The following PDE4D variants were observed in gnomAD, a reference collection of about 807,000 sequenced individuals.
The protein encoded by PDE4D is 3',5'-cyclic-AMP phosphodiesterase 4D.
Under a neutral mutation model 87.4 loss-of-function variants are expected in PDE4D, and 24 were observed. The ratio of observed to expected loss-of-function variants is 0.27; its 90% CI spans 0.20 to 0.39. The LOEUF is 0.39. Ranked by LOEUF, PDE4D falls within the 10% of genes least tolerant of loss-of-function variation. The pLI, the probability that PDE4D is intolerant of heterozygous loss-of-function variation, is 1.00. For synonymous variants in PDE4D, 384 were observed against 383.2 expected (o/e 1.00, Z -0.02); for missense variants, 714 against 1,041.0 (o/e 0.69, Z 4.32).
At chr5:59,833,141 G>T (rs1357485620) in intron 1 of PDE4D, among the ~76,000 whole-genome samples, 1 of 152,078 alleles carries the variant, frequency 6.6e-6, no homozygotes, top group African/African-American at 2.4e-5. Flanking sequence ...CAGATGGCAA[G>T]GGCCAGAGTG....
chr5:59,936,300 G>A (rs1190080562), intron 3 of PDE4D, among the ~76,000 whole-genome samples: 2 of 151,904 alleles, frequency 1.3e-5, no homozygotes, highest in Non-Finnish European at 2.9e-5. Context: ...AACGTGGCAC[G>A]TGTATACATA....
intron 5 of PDE4D, among the ~76,000 whole-genome samples, chr5:59,129,524 T>C (rs1775969444): frequency 6.6e-6 from 1 of 152,362 alleles, no homozygotes; most frequent in Non-Finnish European, 1.5e-5. Flanking sequence ...TACATAGCTC[T>C]CACCATGGTT....
chr5:59,188,622 T>C (rs1348950796), intron 3 of PDE4D, among the ~76,000 whole-genome samples: 1 of 152,136 alleles, frequency 6.6e-6, no homozygotes, highest in Non-Finnish European at 1.5e-5. Context: ...TACCACTAGA[T>C]GGCGGTAAAA....
rs548783277 is a variant in PDE4D, at chr5:59,701,482, G to A, written c.455+191686C>T. Among the ~76,000 whole-genome samples, 7 of 152,292 alleles carry A rather than the reference G, an allele frequency of 4.6e-5. No homozygotes were observed. In the South Asian group the frequency reaches 1.2e-3, roughly 27 times the overall value. On this transcript the variant is annotated intron_variant, in intron 1 of 14. Transcript: ENST00000340635. ...GATACCCATACAGGTTTTGTTAAAT[G>A]AGTGAATGAGTGAGTGAGTGAATGA...
intron 1 of PDE4D, among the ~76,000 whole-genome samples, chr5:60,228,555 C>T (rs1445823940): frequency 2.6e-5 from 4 of 152,012 alleles, no homozygotes; most frequent in African/African-American, 9.7e-5. Flanking sequence ...CCTCCTCTCT[C>T]CTTGAATCTG....
chr5:59,409,693 T>G (rs550834211), intron 1 of PDE4D, among the ~76,000 whole-genome samples: 1 of 152,280 alleles, frequency 6.6e-6, no homozygotes, highest in East Asian at 1.9e-4. Context: ...GCACCATGCT[T>G]GTACATCCTG....
intron 1 of PDE4D, among the ~76,000 whole-genome samples, chr5:59,388,096 A>C (rs1363450127): frequency 6.6e-6 from 1 of 152,158 alleles, no homozygotes; most frequent in Non-Finnish European, 1.5e-5. Context: ...ATCCAGATTC[A>C]TCCATGTGAT....
At chr5:59,392,633 C>A (rs905714909) in intron 1 of PDE4D, among the ~76,000 whole-genome samples, 1 of 151,882 alleles carries the variant, frequency 6.6e-6, no homozygotes, top group Non-Finnish European at 1.5e-5. Flanking sequence ...AGAAAGCCTG[C>A]CAACCCTGGC....
intron 1 of PDE4D, among the ~76,000 whole-genome samples, chr5:59,311,870 C>T (rs922651262): frequency 6.6e-6 from 1 of 152,106 alleles, no homozygotes; most frequent in African/African-American, 2.4e-5. Context: ...AGGCAAACCT[C>T]ACATCCTAGC....
chr5:59,355,451 G>A (rs1781227475), intron 1 of PDE4D, among the ~76,000 whole-genome samples: 1 of 152,092 alleles, frequency 6.6e-6, no homozygotes, highest in South Asian at 2.1e-4. Flanking sequence ...CCATATGTTG[G>A]AAATATGCAC....
At chr5:59,768,567 C>A in intron 1 of PDE4D, 1 of 1,584,734 alleles carries the variant, frequency 6.3e-7, no homozygotes, top group South Asian at 1.1e-5. Flanking sequence ...TTCCCTCGCT[C>A]ACGGTCCCGG....
chr5:59,238,736 A>T (rs1408789123), intron 1 of PDE4D, among the ~76,000 whole-genome samples: 1 of 152,216 alleles, frequency 6.6e-6, no homozygotes. Flanking sequence ...TACGCATTTC[A>T]AAAGTCAAAC....
chr5:59,750,971 A>G (rs1760369883), intron 1 of PDE4D, among the ~76,000 whole-genome samples: 1 of 147,540 alleles, frequency 6.8e-6, no homozygotes, highest in Non-Finnish European at 1.5e-5. Flanking sequence ...AAAAAAAAGT[A>G]TGCCCCAATG....
intron 11 of PDE4D, among the ~76,000 whole-genome samples, chr5:58,978,416 A>G (rs865838213): frequency 1.3e-5 from 2 of 152,212 alleles, no homozygotes; most frequent in Non-Finnish European, 2.9e-5. Context: ...ACTCTGTTTC[A>G]AAAAGAAAAG....
At chr5:60,058,005 T>C (rs1260083340) in intron 2 of PDE4D, among the ~76,000 whole-genome samples, 1 of 151,990 alleles carries the variant, frequency 6.6e-6, no homozygotes, top group East Asian at 1.9e-4. Flanking sequence ...CTTTGTAGTT[T>C]ATTGATTCTG....
rs10693866 is a variant in PDE4D at position 59,215,552 on chromosome 5, C to CGTGTGTGTGT, written c.647+215_647+224dup. ...TATTTTCTGGGAAAATAAATACATG[C>CGTGTGTGTGT]GTGTGTGTGTGTGTGTGTGTGTGTG... is the stretch of plus-strand genomic sequence containing the variant. On this transcript the variant is annotated intron_variant, in intron 2 of 14. Coordinates refer to ENST00000340635, the MANE Select transcript of PDE4D (RefSeq NM_001104631.2). 79 of 364,296 alleles carry CGTGTGTGTGT rather than the reference C, an allele frequency of 2.2e-4. No homozygotes were observed. The East Asian group carries it at 3.4e-3, about 16-fold the overall frequency. The allele number at this position is 364,296 out of a possible 1,614,324, so 22.6% of individuals were successfully genotyped here. A position where few individuals can be genotyped will look rare whatever the true frequency, so the allele number is the denominator to read the frequency against.
At chr5:59,119,446 A>G (rs1580894827) in intron 5 of PDE4D, among the ~76,000 whole-genome samples, 2 of 152,344 alleles carry the variant, frequency 1.3e-5, no homozygotes, top group African/African-American at 4.8e-5. Context: ...AGGCAAAAGT[A>G]AGTTCTAACA....
intron 1 of PDE4D, among the ~76,000 whole-genome samples, chr5:59,759,588 G>A (rs1761721488): frequency 6.6e-6 from 1 of 152,140 alleles, no homozygotes; most frequent in African/African-American, 2.4e-5. Context: ...TCTTCCTCAG[G>A]TCTTTTGATT....
At chr5:59,767,445 G>C (rs565825098) in intron 1 of PDE4D, among the ~76,000 whole-genome samples, 37 of 151,766 alleles carry the variant, frequency 2.4e-4, no homozygotes, top group African/African-American at 7.7e-4. Flanking sequence ...AAGCTCACAT[G>C]ATGGTCTGTT....
Sources: gnomAD v4.1 joint callset for allele counts (sites outside exome capture counted in the v4.1 genomes callset) on GRCh38, gnomAD v4.1.1 for gene constraint, MANE v1.5 for transcripts, NCBI Gene and HGNC (gene_info 2026-07-23, HGNC 2026-07-21) for gene names.